The following NUMB variants were observed in gnomAD, a reference collection of about 807,000 sequenced individuals.
NUMB encodes protein numb homolog.
A neutral mutation model predicts 59.7 loss-of-function variants in NUMB; 29 were observed. The ratio of observed to expected loss-of-function variants is 0.49; its 90% CI spans 0.36 to 0.66. The LOEUF (loss-of-function observed/expected upper bound fraction) is 0.66, where lower values mean the gene tolerates loss of function less well. Among genes scored for constraint, NUMB ranks in the 30% least tolerant of loss-of-function variants. The pLI, the probability that NUMB is intolerant of heterozygous loss-of-function variation, is 0.00. For synonymous variants in NUMB, 288 were observed against 288.2 expected, an observed-to-expected ratio of 1.00 and a Z score of 0.01; for missense variants, 723 against 822.0, an observed-to-expected ratio of 0.88 and a Z score of 1.47.
chr14:73,372,303 T>TATATATA (rs1894715335), intron 2 of NUMB, among the ~76,000 whole-genome samples: 1 of 47,324 alleles, frequency 2.1e-5, no homozygotes, highest in African/African-American at 1.2e-4. Context: ...TATATATTTC[T>TATATATA]TTTATATATA....
At chr14:73,280,407 T>A (rs946203975) in intron 11 of NUMB, among the ~76,000 whole-genome samples, 18 of 151,936 alleles carry the variant, frequency 1.2e-4, no homozygotes, top group African/African-American at 2.7e-4. Flanking sequence ...TTTTTTTTTT[T>A]AACTCTCCTG....
At chr14:73,419,336 C>G (rs1030811118) in intron 1 of NUMB, among the ~76,000 whole-genome samples, 1 of 152,016 alleles carries the variant, frequency 6.6e-6, no homozygotes, top group African/African-American at 2.4e-5. Flanking sequence ...CGGTGAAACC[C>G]GGTCTCTACT....
rs1026976171 is a variant in NUMB, at chr14:73,276,088, C to T, written c.*490G>A. On this transcript the variant is annotated 3_prime_UTR_variant, in exon 13 of 13. Transcript: ENST00000555238. ...TCTGCTGGGCAGTTGCTGATATGCC[C>T]TCCTGGGAATTCTGGCAGCATAGCG... is the stretch of plus-strand genomic sequence containing the variant. 1.3e-5 allele frequency: 2 copies of T among 154,164 alleles called. No individual in the cohort carries two copies. The highest frequency in any genetic ancestry group is 6.4e-5 in the Admixed American group (1 of 15,570). 9.5% of individuals were successfully genotyped at this position (154,164 alleles called of 1,614,324 possible).
At chr14:73,361,922 CTGA>C (rs577563475) in intron 3 of NUMB, among the ~76,000 whole-genome samples, 68 of 152,128 alleles carry the variant, frequency 4.5e-4, no homozygotes, top group African/African-American at 1.6e-3. Flanking sequence ...GAATATACTA[CTGA>C]TGATAAGATG....
chr14:73,453,053 TCTC>T (rs1397562792), intron 1 of NUMB, among the ~76,000 whole-genome samples: 1 of 152,118 alleles, frequency 6.6e-6, no homozygotes, highest in Non-Finnish European at 1.5e-5. Context: ...ACGTCAGTAT[TCTC>T]CTTATTCTCC....
In NUMB at chr14:73,338,626, T is replaced by C. The variant is rs1205213322; in HGVS notation, c.127-15422A>G. ...TTCCTAATTATTTCCTTTTATTCAT[T>C]ATGAATAAGAGCCAAAATCCTTACA... On this transcript the variant is annotated intron_variant, in intron 4 of 12. Transcript: ENST00000555238. Among the ~76,000 whole-genome samples, 3 of 152,322 alleles carry C rather than the reference T, an allele frequency of 2.0e-5. No homozygotes were observed. The South Asian group carries it at 6.2e-4, about 32-fold the overall frequency.
chr14:73,371,168 A>G (rs1486829291), intron 2 of NUMB, among the ~76,000 whole-genome samples: 2 of 152,196 alleles, frequency 1.3e-5, no homozygotes, highest in Non-Finnish European at 2.9e-5. Context: ...ATATTTTTGT[A>G]TGTTCTCCTA....
chr14:73,307,547 G>C (rs577975993), intron 6 of NUMB, among the ~76,000 whole-genome samples: 1 of 152,132 alleles, frequency 6.6e-6, no homozygotes, highest in South Asian at 2.1e-4. Flanking sequence ...AAGGAATACT[G>C]AGGAGGCTAG....
chr14:73,447,740 A>G lies in NUMB; in HGVS notation c.-233+10753T>C, dbSNP rs373380433. 1.7e-4 allele frequency among the ~76,000 whole-genome samples: 26 copies of G among 151,450 alleles called. No individual in the cohort carries two copies. In the South Asian group the frequency reaches 5.4e-3, roughly 31 times the overall value. On this transcript the variant is annotated intron_variant, in intron 1 of 12. Coordinates refer to ENST00000555238, the MANE Select transcript of NUMB (RefSeq NM_001005743.2). ...ATGTAACATGTTAACATTTTTATAA[A>G]TGACCAGTCATGTAAATGGACATTT... is the stretch of plus-strand genomic sequence containing the variant.
chr14:73,434,718 T>C (rs1176396244), intron 1 of NUMB, among the ~76,000 whole-genome samples: 1 of 149,008 alleles, frequency 6.7e-6, no homozygotes, highest in African/African-American at 2.6e-5. Context: ...AATTTTGTAA[T>C]AGAAAAAAAA....
At chr14:73,339,194 T>C (rs921925992) in intron 4 of NUMB, among the ~76,000 whole-genome samples, 8 of 152,246 alleles carry the variant, frequency 5.3e-5, no homozygotes, top group African/African-American at 7.2e-5. Flanking sequence ...AGGTAGGTTA[T>C]ACTATGTATG....
chr14:73,343,629 C>T (rs1295522875), intron 4 of NUMB, among the ~76,000 whole-genome samples: 3 of 152,284 alleles, frequency 2.0e-5, no homozygotes, highest in South Asian at 2.1e-4. Flanking sequence ...ATGTATGTAA[C>T]GGGCTGCCTT....
chr14:73,343,770 A>G (rs200831680), intron 4 of NUMB, among the ~76,000 whole-genome samples: 2 of 152,042 alleles, frequency 1.3e-5, no homozygotes, highest in African/African-American at 2.4e-5. Flanking sequence ...TTGATATCAA[A>G]AAGGAGATAG....
rs889339969 is a variant in NUMB at position 73,385,492 on chromosome 14, T to C, written c.-100-18511A>G. 5.2e-3 allele frequency among the ~76,000 whole-genome samples: 657 copies of C among 127,492 alleles called. 2 individuals carry two copies. Among genetic ancestry groups the C allele is most frequent in the Non-Finnish European group, 8.2e-3 (517 of 63,216 alleles). 83.6% of individuals were successfully genotyped at this position (127,492 alleles called of 152,430 possible). A position where few individuals can be genotyped will look rare whatever the true frequency, so the allele number is the denominator to read the frequency against. Reference sequence around the variant, plus strand: ...AATCAAAATAGCTACATATGGCTAGTGGCCTTTTTTTTTTTTTTTTTTTTT... The same window carrying C: ...AATCAAAATAGCTACATATGGCTAGCGGCCTTTTTTTTTTTTTTTTTTTTT... On this transcript the variant is annotated intron_variant, in intron 2 of 12. Coordinates refer to ENST00000555238, the MANE Select transcript of NUMB (RefSeq NM_001005743.2).
chr14:73,379,742 C>A (rs780215777), intron 2 of NUMB, among the ~76,000 whole-genome samples: 1 of 152,018 alleles, frequency 6.6e-6, no homozygotes, highest in African/African-American at 2.4e-5. Context: ...GTGTACAAGT[C>A]CTTTAGATGG....
At chr14:73,433,536 C>T (rs184710730) in intron 1 of NUMB, among the ~76,000 whole-genome samples, 3 of 152,220 alleles carry the variant, frequency 2.0e-5, no homozygotes, top group Admixed American at 1.3e-4. Flanking sequence ...TAATTTTAAA[C>T]GTTACATTTT....
At chr14:73,345,286 GC>G (rs1892848194) in intron 4 of NUMB, among the ~76,000 whole-genome samples, 1 of 152,132 alleles carries the variant, frequency 6.6e-6, no homozygotes, top group African/African-American at 2.4e-5. Context: ...ATAAGTGGAA[GC>G]TAAACAGTGA....
chr14:73,278,947 A>G (rs1848109683), intron 12 of NUMB, among the ~76,000 whole-genome samples: 1 of 152,002 alleles, frequency 6.6e-6, no homozygotes, highest in African/African-American at 2.4e-5. Flanking sequence ...GATGGTCTCC[A>G]TCTCCTGACC....
chr14:73,422,934 T>G (rs1897419272), intron 1 of NUMB, among the ~76,000 whole-genome samples: 2 of 151,188 alleles, frequency 1.3e-5, no homozygotes, highest in African/African-American at 4.9e-5. Context: ...AACTGTTATA[T>G]TCCCAGATGT....
Sources: gnomAD v4.1 joint callset for allele counts (sites outside exome capture counted in the v4.1 genomes callset) on GRCh38, gnomAD v4.1.1 for gene constraint, MANE v1.5 for transcripts, NCBI Gene and HGNC (gene_info 2026-07-23, HGNC 2026-07-21) for gene names.